The following NUTM2E variants were observed in gnomAD, a reference collection of about 807,000 sequenced individuals.
NUTM2E encodes family with sequence similarity 22, member E.
In NUTM2E, 3 loss-of-function variants were observed where a neutral mutation model predicts 26.1. The observed-to-expected ratio is 0.12, with a 90% CI of 0.05 to 0.30. The LOEUF (loss-of-function observed/expected upper bound fraction) is 0.30, where lower values mean the gene tolerates loss of function less well. NUTM2E is among the 10% of genes least tolerant of loss of function. NUTM2E has a pLI of 1.00. For synonymous variants in NUTM2E, 13 were observed against 157.5 expected, an observed-to-expected ratio of 0.08 and a Z score of 6.87; for missense variants, 62 against 381.3, an observed-to-expected ratio of 0.16 and a Z score of 6.97.
chr10:79,830,877 C>G (rs71481526), intron 1 of NUTM2E, among the ~76,000 whole-genome samples: 4,255 of 151,588 alleles, frequency 0.028, 137 homozygotes, highest in Non-Finnish European at 0.042. Flanking sequence ...CCATAGTGCC[C>G]CCAGTAGAGA....
chr10:79,833,105 C>T (rs1841937306), intron 1 of NUTM2E, among the ~76,000 whole-genome samples: 2 of 151,756 alleles, frequency 1.3e-5, no homozygotes, highest in Admixed American at 6.6e-5. Context: ...CTTATGTGGC[C>T]ATAAAAGAAA....
chr10:79,838,648 A>C (rs1203755770), intron 2 of NUTM2E, among the ~76,000 whole-genome samples, 62 bp downstream of exon 2: 1 of 151,104 alleles, frequency 6.6e-6, no homozygotes, highest in Non-Finnish European at 1.5e-5. Flanking sequence ...GAAAGCTATG[A>C]ACGCTTCCGC....
chr10:79,833,586 T>C (rs1173342462), intron 1 of NUTM2E, among the ~76,000 whole-genome samples: 2 of 151,656 alleles, frequency 1.3e-5, no homozygotes, highest in African/African-American at 2.4e-5. Flanking sequence ...GGCATTTATG[T>C]GGCCAAAAAC....
intron 1 of NUTM2E, among the ~76,000 whole-genome samples, chr10:79,832,322 G>GT (rs1170367571): frequency 6.6e-6 from 1 of 151,824 alleles, no homozygotes; most frequent in Non-Finnish European, 1.5e-5. Flanking sequence ...GTGCATGTGT[G>GT]TGTGTATGTT....
rs1254131108 is a variant in NUTM2E at position 79,827,055 on chromosome 10, A to G, written c.-3030A>G. On this transcript the variant is annotated 5_prime_UTR_variant, in exon 1 of 10. Transcript: ENST00000429984. ...CCGCAGCCTTGGATACCAGCCTTAA[A>G]TCGAGCCGACTACGGCCCAGCCCCG... 1 of 148,348 alleles carries G rather than the reference A, an allele frequency of 6.7e-6. No homozygotes were observed. The highest frequency in any genetic ancestry group is 1.5e-5 in the Non-Finnish European group (1 of 66,826). The allele number at this position is 148,348 out of a possible 1,614,324, so 9.2% of individuals were successfully genotyped here. A position where few individuals can be genotyped will look rare whatever the true frequency, so the allele number is the denominator to read the frequency against.
chr10:79,832,107 C>T (rs1232336026), intron 1 of NUTM2E, among the ~76,000 whole-genome samples: 1 of 152,102 alleles, frequency 6.6e-6, no homozygotes, highest in African/African-American at 2.4e-5. Flanking sequence ...AAGGGCCCAC[C>T]ACTGAATACT....
chr10:79,848,510 C>A lies in NUTM2E; in HGVS notation c.1352-3C>A. On this transcript the variant is annotated splice_polypyrimidine_tract_variant and splice_region_variant and intron_variant, in intron 7 of 9. Transcript: ENST00000429984. ...CGCCCGTCCTCCTCCCTCTCTGCCT[C>A]AGTGTACCTTCCCAGCAAGGCCGGC... 3.8e-6 allele frequency: 2 copies of A among 532,900 alleles called. 1 individual carries two copies. Among genetic ancestry groups the A allele is most frequent in the Non-Finnish European group, 5.6e-6 (2 of 356,778 alleles). The allele number at this position is 532,900 out of a possible 1,614,324, so 33.0% of individuals were successfully genotyped here.
intron 1 of NUTM2E, 48 bp downstream of exon 1, chr10:79,827,405 A>T (rs532669642): frequency 6.6e-6 from 1 of 151,864 alleles, no homozygotes; most frequent in South Asian, 2.1e-4. Context: ...TGATCTTATG[A>T]CAGCATTTGT....
At chr10:79,837,060 G>A (rs1227592078) in intron 1 of NUTM2E, among the ~76,000 whole-genome samples, 1 of 151,910 alleles carries the variant, frequency 6.6e-6, no homozygotes, top group Non-Finnish European at 1.5e-5. Context: ...GCAATGTGGA[G>A]GAGGATAGGG....
At chr10:79,830,567 T>C (rs976311136) in intron 1 of NUTM2E, among the ~76,000 whole-genome samples, 1 of 151,766 alleles carries the variant, frequency 6.6e-6, no homozygotes, top group Non-Finnish European at 1.5e-5. Context: ...AATAACTTAC[T>C]TGTGATGCCA....
rs1376634826 is a variant in NUTM2E, at chr10:79,838,784, C to A, written c.-2445C>A. Among the ~76,000 whole-genome samples the A allele has an allele frequency of 6.6e-6, 1 of 151,932 alleles. No individual in the cohort carries two copies. Among genetic ancestry groups the A allele is most frequent in the Non-Finnish European group, 1.5e-5 (1 of 67,944 alleles). On this transcript the variant is annotated 5_prime_UTR_variant, in exon 3 of 10. Transcript: ENST00000429984. Reference sequence around the variant, plus strand: ...CACCCTTGGCTTTATTTTTAGGTAACACCAAGAAGGACGCCATGAGAGCGA... The same window carrying A: ...CACCCTTGGCTTTATTTTTAGGTAAAACCAAGAAGGACGCCATGAGAGCGA...
At chr10:79,831,280 A>T (rs1432393510) in intron 1 of NUTM2E, among the ~76,000 whole-genome samples, 1 of 151,598 alleles carries the variant, frequency 6.6e-6, no homozygotes, top group East Asian at 1.9e-4. Context: ...ACTCTGACTC[A>T]GTCATTTTAA....
intron 1 of NUTM2E, among the ~76,000 whole-genome samples, chr10:79,828,263 T>A (rs1841902316): frequency 1.3e-5 from 2 of 151,908 alleles, no homozygotes; most frequent in Admixed American, 1.3e-4. Context: ...ATTTAAGAAT[T>A]CTAAAACCGC....
chr10:79,847,231 G>A (rs1350123222), intron 6 of NUTM2E, among the ~76,000 whole-genome samples: 1 of 116,124 alleles, frequency 8.6e-6, no homozygotes, highest in African/African-American at 2.7e-5. Flanking sequence ...CAGCATCACA[G>A]CCCAAAGTGG....
At chr10:79,845,497 C>T (rs1186408272) in intron 5 of NUTM2E, among the ~76,000 whole-genome samples, 3 of 108,666 alleles carry the variant, frequency 2.8e-5, no homozygotes, top group Non-Finnish European at 7.2e-5. Flanking sequence ...ATATGACATG[C>T]ATAGCACAGT....
At chr10:79,827,765 C>A (rs1841895401) in intron 1 of NUTM2E, among the ~76,000 whole-genome samples, 1 of 147,472 alleles carries the variant, frequency 6.8e-6, no homozygotes, top group South Asian at 2.2e-4. Context: ...CTCTCCCATA[C>A]TAAATGAATT....
At position 79,839,945 on chromosome 10, in the gene NUTM2E, T is replaced by C. The variant is rs1299910888; in HGVS notation, c.-1796T>C. Among the ~76,000 whole-genome samples the C allele has an allele frequency of 6.7e-6, 1 of 149,000 alleles. No homozygotes were observed. Among genetic ancestry groups the C allele is most frequent in the Non-Finnish European group, 1.5e-5 (1 of 67,442 alleles). ...TTTGACTGTCTCTCCTCCTGGGGTC[T>C]AGGACTTCAAACATGTACAGAAGCG... On this transcript the variant is annotated 5_prime_UTR_variant, in exon 4 of 10. An upstream open reading frame in the 5' UTR loses its in-frame stop. Transcript: ENST00000429984.
chr10:79,828,084 C>A (rs914372626), intron 1 of NUTM2E, among the ~76,000 whole-genome samples: 1 of 151,452 alleles, frequency 6.6e-6, no homozygotes, highest in African/African-American at 2.4e-5. Flanking sequence ...CGTGAGCCAC[C>A]GTGCCCGGCC....
chr10:79,828,390 C>A (rs1841903592), intron 1 of NUTM2E, among the ~76,000 whole-genome samples: 2 of 151,882 alleles, frequency 1.3e-5, no homozygotes, highest in South Asian at 4.2e-4. Context: ...ATGTCTGTAA[C>A]AAGAATCCAC....
Sources: allele counts gnomAD v4.1 joint callset (sites outside exome capture counted in the v4.1 genomes callset), GRCh38; gene constraint gnomAD v4.1.1; transcripts MANE v1.5; gene names NCBI Gene and HGNC (gene_info 2026-07-23, HGNC 2026-07-21).